Variants in RAD52 observed in about 807,000 individuals in gnomAD.
RAD52 encodes RAD52 DNA repair protein.
A neutral mutation model predicts 55.5 loss-of-function variants in RAD52; 47 were observed. The ratio of observed to expected loss-of-function variants is 0.85; its 90% CI spans 0.67 to 1.08. The LOEUF is 1.08. RAD52 is among the 50% of genes least tolerant of loss of function. RAD52 has a pLI of 0.00. For missense variants in RAD52, 468 were observed against 522.8 expected, an observed-to-expected ratio of 0.90 and a Z score of 1.02; for synonymous variants, 184 against 198.9, an observed-to-expected ratio of 0.92 and a Z score of 0.63.
chr12:971,772 C>G (rs6489774), intron 1 of RAD52, among the ~76,000 whole-genome samples: 1 of 151,330 alleles, frequency 6.6e-6, no homozygotes, highest in Non-Finnish European at 1.5e-5. Context: ...TTTTTTGAGA[C>G]GGAGTCTCGC....
intron 1 of RAD52, among the ~76,000 whole-genome samples, chr12:936,090 G>A (rs1957611041): frequency 6.6e-6 from 1 of 151,892 alleles, no homozygotes; most frequent in Non-Finnish European, 1.5e-5. Flanking sequence ...GATAACCTGA[G>A]GTCAGGAGTT....
At chr12:938,148 G>C (rs558597634) in intron 1 of RAD52, among the ~76,000 whole-genome samples, 3 of 152,260 alleles carry the variant, frequency 2.0e-5, no homozygotes, top group African/African-American at 7.2e-5. Context: ...TAGAAACCTG[G>C]GAGTTACCAC....
At chr12:924,387 G>A (rs936238378) in intron 7 of RAD52, among the ~76,000 whole-genome samples, 1 of 152,208 alleles carries the variant, frequency 6.6e-6, no homozygotes, top group Non-Finnish European at 1.5e-5. Flanking sequence ...TTCAGCCTGG[G>A]CGACAGAGCG....
rs141631756 is a variant in RAD52, at chr12:959,654, A to G, written c.-18-26578T>C. 4.7e-4 allele frequency among the ~76,000 whole-genome samples: 72 copies of G among 152,326 alleles called. 1 individual carries two copies. The East Asian group carries it at 9.3e-3, about 20-fold the overall frequency. ...ATGAATCAGGGGGCACCAGAATCCA[A>G]GAAGTCCAGTGCTCCACTAGGGAAA... On this transcript the variant is annotated intron_variant, in intron 1 of 11. Transcript: ENST00000430095.
intron 1 of RAD52, among the ~76,000 whole-genome samples, chr12:984,692 T>TC (rs1222085426): frequency 4.0e-5 from 6 of 150,054 alleles, no homozygotes; most frequent in Non-Finnish European, 7.4e-5. Flanking sequence ...TGAGATGGAG[T>TC]CTTGCTCTGT....
At chr12:921,705 G>A (rs1230499640) in intron 7 of RAD52, among the ~76,000 whole-genome samples, 1 of 151,908 alleles carries the variant, frequency 6.6e-6, no homozygotes, top group Non-Finnish European at 1.5e-5. Context: ...GAGATGAGAT[G>A]AGATGAATAA....
intron 1 of RAD52, among the ~76,000 whole-genome samples, chr12:943,693 G>C (rs1219939800): frequency 1.3e-5 from 2 of 151,800 alleles, no homozygotes; most frequent in African/African-American, 2.4e-5. Flanking sequence ...TTGTCAAATA[G>C]GTCCCTGTGT....
chr12:987,370 T>A (rs1222975714), intron 1 of RAD52, among the ~76,000 whole-genome samples: 2 of 25,406 alleles, frequency 7.9e-5, no homozygotes, highest in African/African-American at 9.1e-5. Flanking sequence ...ATGGTTGAAT[T>A]TTTTTTTTCT....
At chr12:952,146 T>C (rs533017235), upstream of RAD52, among the ~76,000 whole-genome samples, 27 of 152,168 alleles carry the variant, frequency 1.8e-4, no homozygotes, top group Non-Finnish European at 3.5e-4. Flanking sequence ...ATTTTTTTGG[T>C]GGAGGCAGGG....
chr12:918,486 T>A (rs1311300206), intron 7 of RAD52, among the ~76,000 whole-genome samples: 1 of 152,150 alleles, frequency 6.6e-6, no homozygotes, highest in Non-Finnish European at 1.5e-5. Context: ...AGCCTGGGCC[T>A]CCTAGGCTCA....
rs748463909 is a variant in RAD52 at position 916,345 on chromosome 12, C to A, written c.864G>T (p.Glu288Asp). 5.0e-6 allele frequency: 8 copies of A among 1,605,424 alleles called. No individual in the cohort carries two copies. Among genetic ancestry groups the A allele is most frequent in the Non-Finnish European group, 5.9e-6 (7 of 1,179,932 alleles). ...RVSTPSAEKS[E>D]AAPPAPPVTH... The stretch of plus-strand genomic sequence containing the variant: ...GCCCTGCTCCCACCCCTCGCTCACC[C>A]TCACTCTTCTCAGCTGACGGCGTGG... Residue 288 changes from glutamate (E) to aspartate (D), a missense_variant and splice_region_variant, in exon 9 of 12, where the codon GAG becomes GAT. Physicochemically the swap from Glu to Asp is conservative, Grantham distance 45 (BLOSUM62 2). Coordinates refer to ENST00000358495, the MANE Select transcript of RAD52 (RefSeq NM_134424.4).
chr12:953,938 G>A (rs192500915), upstream of RAD52, among the ~76,000 whole-genome samples: 294 of 152,298 alleles, frequency 1.9e-3, 1 homozygote, highest in Middle Eastern at 0.024. Context: ...ATTTGCCTGA[G>A]TAATGACAGC....
chr12:934,862 T>A (rs1957530048), intron 1 of RAD52, among the ~76,000 whole-genome samples: 1 of 151,974 alleles, frequency 6.6e-6, no homozygotes, highest in African/African-American at 2.4e-5. Context: ...CCTGTAACCC[T>A]AACACTTTGG....
chr12:970,213 G>A (rs932301730), intron 1 of RAD52, among the ~76,000 whole-genome samples: 10 of 151,500 alleles, frequency 6.6e-5, no homozygotes, highest in African/African-American at 1.9e-4. Context: ...TGGGGCAGGG[G>A]GGTGCTGAGG....
intron 1 of RAD52, chr12:976,723 C>T (rs979235031): frequency 2.6e-5 from 4 of 152,294 alleles, no homozygotes; most frequent in African/African-American, 4.8e-5. Context: ...TCCCAATCCA[C>T]AAAATTGTAA....
At chr12:925,264 T>G (rs1279132463) in intron 7 of RAD52, among the ~76,000 whole-genome samples, 186 bp downstream of exon 7, 4 of 152,090 alleles carry the variant, frequency 2.6e-5, no homozygotes, top group Non-Finnish European at 5.9e-5. Context: ...TGATGTACTT[T>G]AGAAAAAAGG....
At position 913,329 on chromosome 12, in the gene RAD52, C is replaced by T. The variant is rs1956194386; in HGVS notation, c.*62G>A. 4.7e-6 allele frequency: 6 copies of T among 1,264,726 alleles called. No individual in the cohort carries two copies. Among genetic ancestry groups the T allele is most frequent in the Non-Finnish European group, 4.5e-6 (4 of 883,636 alleles). 78.3% of individuals were successfully genotyped at this position (1,264,726 alleles called of 1,614,324 possible). On this transcript the variant is annotated 3_prime_UTR_variant, in exon 12 of 12. Transcript: ENST00000358495. ...CCAGCAGCGATGAACAATTTCATGACCAAAAAGTAGTTTTCCAAAGTCCCT... is the reference window on the plus strand; with the variant it reads ...CCAGCAGCGATGAACAATTTCATGATCAAAAAGTAGTTTTCCAAAGTCCCT...
At chr12:918,595 A>G (rs559435842) in intron 7 of RAD52, among the ~76,000 whole-genome samples, 1 of 152,040 alleles carries the variant, frequency 6.6e-6, no homozygotes, top group South Asian at 2.1e-4. Flanking sequence ...TATTTCGTAC[A>G]GACAGGGTCC....
At chr12:939,109 G>A (rs989854103) in intron 1 of RAD52, among the ~76,000 whole-genome samples, 1 of 148,482 alleles carries the variant, frequency 6.7e-6, no homozygotes, top group Non-Finnish European at 1.5e-5. Flanking sequence ...AAGGCAAGTA[G>A]ATAAAGCAAA....
Sources: allele counts gnomAD v4.1 joint callset (sites outside exome capture counted in the v4.1 genomes callset), GRCh38; gene constraint gnomAD v4.1.1; transcripts MANE v1.5; gene names NCBI Gene and HGNC (gene_info 2026-07-23, HGNC 2026-07-21).